Variants in LARP1B observed in about 807,000 individuals in gnomAD.
LARP1B encodes la-related protein 1B.
In LARP1B, 76 loss-of-function variants were observed where a neutral mutation model predicts 114.2. The ratio of observed to expected loss-of-function variants is 0.67; its 90% CI spans 0.55 to 0.81. The LOEUF is 0.81. Ranked by LOEUF, LARP1B falls within the 30% of genes least tolerant of loss-of-function variation. The probability of loss-of-function intolerance (pLI) is 0.00; values close to 1 mark genes in which losing one functional copy is unlikely to be tolerated. For synonymous variants in LARP1B, 345 were observed against 348.0 expected, an observed-to-expected ratio of 0.99 and a Z score of 0.10; for missense variants, 1,014 against 1,075.8, an observed-to-expected ratio of 0.94 and a Z score of 0.80.
Position 128,200,678 on chromosome 4 carries a change from CT to C in LARP1B, c.2309+17del. ...AAGAAAATTACAGGTCAGATATTTT[CT>C]TTTACACTTCAAGGGAGTTTTATTA... On this transcript the variant is annotated intron_variant, in intron 17 of 19. Transcript: ENST00000326639. The C allele has an allele frequency of 6.5e-7, 1 of 1,548,812 alleles. No homozygotes were observed. Among genetic ancestry groups the C allele is most frequent in the Non-Finnish European group, 8.8e-7 (1 of 1,142,138 alleles).
chr4:128,139,607 A>G (rs1727039425), intron 11 of LARP1B, among the ~76,000 whole-genome samples: 1 of 151,878 alleles, frequency 6.6e-6, no homozygotes, highest in South Asian at 2.1e-4. Context: ...AAAAAACAGT[A>G]TAAGATCGTG....
chr4:128,137,521 C>G (rs1245109941), intron 11 of LARP1B, among the ~76,000 whole-genome samples: 1 of 152,010 alleles, frequency 6.6e-6, no homozygotes, highest in Non-Finnish European at 1.5e-5. Context: ...GACTATATGG[C>G]CAAGCCTATA....
chr4:128,142,764 T>C (rs1329464395), intron 11 of LARP1B, among the ~76,000 whole-genome samples: 1 of 151,998 alleles, frequency 6.6e-6, no homozygotes, highest in Non-Finnish European at 1.5e-5. Context: ...CGCCTTGGCC[T>C]ACCAAAGTCC....
intron 15 of LARP1B, among the ~76,000 whole-genome samples, chr4:128,192,524 C>T (rs1752616280): frequency 6.6e-6 from 1 of 152,160 alleles, no homozygotes; most frequent in Non-Finnish European, 1.5e-5. Flanking sequence ...CAAAATCTAG[C>T]ACAAAGCCTA....
Position 128,211,974 on chromosome 4 carries a change from GA to G in LARP1B, c.*1923del. 1 of 191,378 alleles carries G rather than the reference GA, an allele frequency of 5.2e-6. No individual in the cohort carries two copies. Among genetic ancestry groups the G allele is most frequent in the Non-Finnish European group, 9.6e-6 (1 of 103,968 alleles). The allele number at this position is 191,378 out of a possible 1,614,324, so 11.9% of individuals were successfully genotyped here. ...GAAAATAAAGTACTTGTTATAAAAA[GA>G]AGAAAAACCAAAATTGGTGTCAGGC... is the stretch of plus-strand genomic sequence containing the variant. On this transcript the variant is annotated 3_prime_UTR_variant, in exon 20 of 20. Transcript: ENST00000326639.
chr4:128,203,230 A>T (rs533213204), intron 17 of LARP1B, among the ~76,000 whole-genome samples: 1 of 152,210 alleles, frequency 6.6e-6, no homozygotes, highest in South Asian at 2.1e-4. Context: ...ATACTCTCTC[A>T]TGGGGTTATT....
At chr4:128,082,467 C>G (rs566406866) in intron 5 of LARP1B, among the ~76,000 whole-genome samples, 162 bp downstream of exon 5, 3 of 152,120 alleles carry the variant, frequency 2.0e-5, no homozygotes, top group Non-Finnish European at 4.4e-5. Context: ...ACAATATAAC[C>G]GTAATGCAAT....
At chr4:128,108,882 A>C in intron 9 of LARP1B, 1 of 955,972 alleles carries the variant, frequency 1.0e-6, no homozygotes, top group Non-Finnish European at 1.2e-6. Flanking sequence ...CATACTAATA[A>C]AATTATAAGA....
chr4:128,073,809 T>G (rs1458481315), intron 1 of LARP1B, among the ~76,000 whole-genome samples: 1 of 151,884 alleles, frequency 6.6e-6, no homozygotes, highest in Admixed American at 6.6e-5. Context: ...CAGGCTGGTC[T>G]CAAACTCCTG....
chr4:128,061,624 C>T (rs1353425836), intron 1 of LARP1B: 1 of 952,448 alleles, frequency 1.0e-6, no homozygotes. Context: ...GGTGTCCCGG[C>T]GGAGAGACGG....
At chr4:128,206,961 C>T in intron 18 of LARP1B, 1 of 410,616 alleles carries the variant, frequency 2.4e-6, no homozygotes, top group Non-Finnish European at 3.3e-6. Context: ...AAATTGCCTA[C>T]CCTTGCTAGC....
intron 8 of LARP1B, among the ~76,000 whole-genome samples, 189 bp from the exon 9 acceptor site, chr4:128,106,950 G>T (rs540955204): frequency 7.1e-4 from 108 of 152,298 alleles, no homozygotes; most frequent in Non-Finnish European, 1.2e-3. Flanking sequence ...GGGAGATCAG[G>T]ATATTTGTTA....
At chr4:128,108,750 A>G (rs1051217733) in intron 9 of LARP1B, 1 of 985,214 alleles carries the variant, frequency 1.0e-6, no homozygotes, top group African/African-American at 1.7e-5. Flanking sequence ...AGTTTTAGCT[A>G]GCTTATGAAC....
At chr4:128,084,634 G>A (rs1185754181) in intron 5 of LARP1B, among the ~76,000 whole-genome samples, 1 of 151,910 alleles carries the variant, frequency 6.6e-6, no homozygotes, top group South Asian at 2.1e-4. Context: ...GGAGAGGGGA[G>A]GGGGAGAGGG....
intron 7 of LARP1B, among the ~76,000 whole-genome samples, chr4:128,094,331 A>G (rs1185681446): frequency 6.6e-6 from 1 of 150,458 alleles, no homozygotes; most frequent in African/African-American, 2.4e-5. Flanking sequence ...CTCTCTTGGC[A>G]CTCAGATGAC....
intron 9 of LARP1B, among the ~76,000 whole-genome samples, chr4:128,110,519 T>C (rs1490618562): frequency 2.0e-5 from 3 of 148,316 alleles, no homozygotes; most frequent in East Asian, 2.0e-4. Flanking sequence ...CTACTAAAAA[T>C]ACAAAAAATT....
chr4:128,192,335 T>A (rs1399499137), intron 15 of LARP1B, among the ~76,000 whole-genome samples: 1 of 152,206 alleles, frequency 6.6e-6, no homozygotes, highest in East Asian at 1.9e-4. Context: ...CTCTGAGATA[T>A]GCCCATATAA....
chr4:128,208,399 G>A (rs1198009953), intron 19 of LARP1B, among the ~76,000 whole-genome samples: 3 of 152,080 alleles, frequency 2.0e-5, no homozygotes, highest in African/African-American at 7.2e-5. Context: ...GGAAGGCTAG[G>A]TTCATCATCT....
intron 7 of LARP1B, among the ~76,000 whole-genome samples, chr4:128,220,943 C>A (rs924146106): frequency 1.3e-5 from 2 of 152,200 alleles, no homozygotes; most frequent in African/African-American, 4.8e-5. Flanking sequence ...GGCTTCAGAG[C>A]CCAGGCTCTT....
Sources: allele counts gnomAD v4.1 joint callset (sites outside exome capture counted in the v4.1 genomes callset), GRCh38; gene constraint gnomAD v4.1.1; transcripts MANE v1.5; gene names NCBI Gene and HGNC (gene_info 2026-07-23, HGNC 2026-07-21).